TRPM3: variants seen among roughly 807,000 people sequenced by gnomAD.
TRPM3 encodes long transient receptor potential channel 3.
TRPM3 carries 77 observed loss-of-function variants against 181.2 expected under a neutral mutation model. That is an observed-to-expected ratio of 0.42 (90% CI 0.35 to 0.51). The LOEUF (loss-of-function observed/expected upper bound fraction) is 0.51. TRPM3 is among the 20% of genes least tolerant of loss of function. TRPM3 has a pLI of 0.01. For synonymous variants in TRPM3, 745 were observed against 796.4 expected (o/e 0.94, Z 1.09); for missense variants, 1,759 against 2,196.7 (o/e 0.80, Z 3.98).
intron 22 of TRPM3, among the ~76,000 whole-genome samples, chr9:70,576,966 T>G (rs1034067858): frequency 3.3e-5 from 5 of 152,216 alleles, no homozygotes; most frequent in Non-Finnish European, 7.3e-5. Flanking sequence ...ATTTCCATTA[T>G]TCACATTTCA....
chr9:71,264,446 AATG>A (rs2083257221), intron 1 of TRPM3, among the ~76,000 whole-genome samples: 1 of 152,188 alleles, frequency 6.6e-6, no homozygotes, highest in African/African-American at 2.4e-5. Context: ...GAAGGGAGTG[AATG>A]ATGTTTCAGT....
intron 1 of TRPM3, among the ~76,000 whole-genome samples, chr9:71,231,333 G>C (rs2081035951): frequency 6.6e-6 from 1 of 152,138 alleles, no homozygotes; most frequent in African/African-American, 2.4e-5. Context: ...TGGAAGCAAA[G>C]GGTAAAAGAG....
chr9:71,291,319 C>T (rs1200052049), intron 1 of TRPM3, among the ~76,000 whole-genome samples: 1 of 152,152 alleles, frequency 6.6e-6, no homozygotes, highest in African/African-American at 2.4e-5. Context: ...CTGCTTTAAC[C>T]CTTGCAAGGA....
chr9:70,741,303 A>C (rs902337942), intron 8 of TRPM3, among the ~76,000 whole-genome samples: 1 of 152,220 alleles, frequency 6.6e-6, no homozygotes, highest in African/African-American at 2.4e-5. Flanking sequence ...TCAAGATTTT[A>C]AAAAAATAGA....
chr9:71,047,991 G>A (rs948201225), intron 1 of TRPM3, among the ~76,000 whole-genome samples: 1 of 152,052 alleles, frequency 6.6e-6, no homozygotes, highest in African/African-American at 2.4e-5. Flanking sequence ...TTCAATAAAC[G>A]AATGAATGTA....
At chr9:70,657,604 T>A (rs1457735506) in intron 9 of TRPM3, among the ~76,000 whole-genome samples, 1 of 152,176 alleles carries the variant, frequency 6.6e-6, no homozygotes, top group Non-Finnish European at 1.5e-5. Flanking sequence ...AAGTTTAGTT[T>A]GCACAGGAAA....
chr9:70,681,478 C>T, intron 9 of TRPM3, 28 bp downstream of exon 9: 3 of 1,596,152 alleles, frequency 1.9e-6, no homozygotes, highest in Non-Finnish European at 2.6e-6. Context: ...AAATTATTTT[C>T]ACACTCTCTG....
chr9:70,550,119 C>T (rs2046113300), intron 24 of TRPM3, among the ~76,000 whole-genome samples: 1 of 152,186 alleles, frequency 6.6e-6, no homozygotes, highest in Non-Finnish European at 1.5e-5. Flanking sequence ...CTTAGAAACC[C>T]AACACAAACA....
chr9:70,606,614 C>T (rs1487136495), intron 19 of TRPM3, among the ~76,000 whole-genome samples: 1 of 147,348 alleles, frequency 6.8e-6, no homozygotes, highest in Non-Finnish European at 1.5e-5. Flanking sequence ...ATTATCTTGA[C>T]ATGACATGCT....
chr9:70,752,043 T>TGCGC (rs1204795370), intron 8 of TRPM3, among the ~76,000 whole-genome samples: 21 of 112,150 alleles, frequency 1.9e-4, no homozygotes, highest in Non-Finnish European at 3.1e-4. Context: ...TGTGTGTGTG[T>TGCGC]GTGTGTGCGC....
rs1564197787 is a variant in TRPM3, at chr9:70,537,016, T to C, written c.4097A>G (p.Glu1366Gly). Residue 1366 changes from glutamate to glycine, a missense_variant, in exon 26 of 26, where the codon GAA (glutamate) becomes GGA (glycine). This residue lies in a region of TRPM3 where 612 missense variants were observed against 590.0 expected (regional missense o/e 1.04). Coordinates refer to ENST00000677713, the MANE Select transcript of TRPM3 (RefSeq NM_001366145.2). ...CAGGGACCTTTCTTTAAAAATACTT[T>C]CCAACTTTTCTATACCACCTTTGTC... ...MKDKGGIEKL[E>G]SIFKERSLSL... The C allele has an allele frequency of 6.2e-7, 1 of 1,610,200 alleles. No individual in the cohort carries two copies.
intron 22 of TRPM3, among the ~76,000 whole-genome samples, chr9:70,583,308 T>G (rs1318652445): frequency 1.3e-5 from 2 of 152,338 alleles, no homozygotes; most frequent in East Asian, 3.9e-4. Flanking sequence ...CTACACTTCA[T>G]AGCTTGCGCA....
chr9:70,780,689 A>G (rs1356840737), intron 7 of TRPM3, among the ~76,000 whole-genome samples: 1 of 152,174 alleles, frequency 6.6e-6, no homozygotes, highest in Non-Finnish European at 1.5e-5. Flanking sequence ...ACAGAGAAAC[A>G]TTCTGCCTTC....
intron 8 of TRPM3, among the ~76,000 whole-genome samples, chr9:70,687,260 T>C (rs1028502892): frequency 2.7e-4 from 41 of 152,276 alleles, no homozygotes; most frequent in African/African-American, 9.6e-4. Context: ...TATTTGAGGA[T>C]GAGGAGCAGG....
chr9:71,294,287 C>CA (rs2086070741), intron 1 of TRPM3, among the ~76,000 whole-genome samples: 1 of 151,764 alleles, frequency 6.6e-6, no homozygotes, highest in Non-Finnish European at 1.5e-5. Context: ...ATCCATAAGA[C>CA]AAAAACAAAA....
chr9:71,232,491 CTTTTTTTTTTTTTT>C (rs71352362), intron 1 of TRPM3, among the ~76,000 whole-genome samples: 4 of 59,148 alleles, frequency 6.8e-5, no homozygotes, highest in Non-Finnish European at 1.2e-4. Flanking sequence ...AATTCAGTGT[CTTTTTTTTTTTTTT>C]TTTTTTTTTT....
At chr9:71,371,705 G>T (rs113359445) in intron 1 of TRPM3, among the ~76,000 whole-genome samples, 2,206 of 152,276 alleles carry the variant, frequency 0.014, 66 homozygotes, top group African/African-American at 0.05. Flanking sequence ...CAGAGGCAGG[G>T]TTTAAGAGGA....
chr9:70,957,703 G>GCTTCCC (rs1231251192), intron 1 of TRPM3, among the ~76,000 whole-genome samples: 8 of 152,154 alleles, frequency 5.3e-5, no homozygotes, highest in Non-Finnish European at 1.5e-5. Context: ...CAGCTGTGCT[G>GCTTCCC]CTTCCCTTTC....
At chr9:71,363,265 G>A (rs2092222205) in intron 1 of TRPM3, among the ~76,000 whole-genome samples, 1 of 152,130 alleles carries the variant, frequency 6.6e-6, no homozygotes, top group South Asian at 2.1e-4. Flanking sequence ...TCATTTTCTT[G>A]TGTAACTACA....
Sources: allele counts gnomAD v4.1 joint callset (sites outside exome capture counted in the v4.1 genomes callset), GRCh38; gene constraint gnomAD v4.1.1; regional missense constraint gnomAD v4.1.1; transcripts MANE v1.5; gene names NCBI Gene and HGNC (gene_info 2026-07-23, HGNC 2026-07-21).